Variants in DMRT1 observed in about 807,000 individuals in gnomAD.
DMRT1 encodes the protein doublesex- and mab-3-related transcription factor 1.
Under a neutral mutation model 32.3 loss-of-function variants are expected in DMRT1, and 7 were observed. The observed-to-expected ratio is 0.22, with a 90% CI of 0.12 to 0.41. The LOEUF is 0.41. Among genes scored for constraint, DMRT1 ranks in the 10% least tolerant of loss-of-function variants. DMRT1 has a pLI of 1.00. For missense variants in DMRT1, 625 were observed against 500.5 expected, an observed-to-expected ratio of 1.25 and a Z score of -2.37; for synonymous variants, 278 against 206.1, an observed-to-expected ratio of 1.35 and a Z score of -2.99.
At chr9:955,092 G>A (rs567256874) in intron 4 of DMRT1, among the ~76,000 whole-genome samples, 4 of 152,352 alleles carry the variant, frequency 2.6e-5, no homozygotes, top group African/African-American at 9.6e-5. Flanking sequence ...CCGTGCTCAG[G>A]GTTGGATTAG....
At chr9:964,544 G>A (rs767672028) in intron 4 of DMRT1, among the ~76,000 whole-genome samples, 1 of 152,100 alleles carries the variant, frequency 6.6e-6, no homozygotes, top group Non-Finnish European at 1.5e-5. Context: ...GTGGTGTGCA[G>A]AAATAATTTC....
chr9:890,918 C>CG (rs1425812632), intron 2 of DMRT1, among the ~76,000 whole-genome samples: 8 of 151,432 alleles, frequency 5.3e-5, no homozygotes, highest in African/African-American at 1.7e-4. Context: ...TTAGTGGAGA[C>CG]GGGGTTTCAC....
intron 4 of DMRT1, among the ~76,000 whole-genome samples, chr9:950,726 T>C (rs575831295): frequency 1.3e-5 from 2 of 152,316 alleles, no homozygotes; most frequent in South Asian, 4.1e-4. Flanking sequence ...TCCTGTTTCA[T>C]TTCCCCAGCA....
chr9:960,892 C>G (rs984251272), intron 4 of DMRT1, among the ~76,000 whole-genome samples: 7 of 152,060 alleles, frequency 4.6e-5, no homozygotes. Flanking sequence ...GGGAGCAGTG[C>G]TGAGAAGTGA....
chr9:872,400 G>A (rs1816312592), intron 2 of DMRT1, among the ~76,000 whole-genome samples: 1 of 152,220 alleles, frequency 6.6e-6, no homozygotes, highest in Non-Finnish European at 1.5e-5. Context: ...TATATTCACA[G>A]AGTTGGGTAA....
At position 870,956 on chromosome 9, in the gene DMRT1, C is replaced by G. The variant is rs182084787; in HGVS notation, c.539-22956C>G. 6.6e-4 allele frequency among the ~76,000 whole-genome samples: 101 copies of G among 151,938 alleles called. 1 individual carries two copies. The highest frequency in any genetic ancestry group is 6.1e-3 in the South Asian group (29 of 4,784). ...TTTAAACTCCTGGGCTCAGCTGATC[C>G]TCCTGACACCCAAAGTGCGGGGATT... On this transcript the variant is annotated intron_variant, in intron 2 of 4. Coordinates refer to ENST00000382276, the MANE Select transcript of DMRT1 (RefSeq NM_021951.3).
intron 2 of DMRT1, among the ~76,000 whole-genome samples, chr9:888,248 A>G (rs1204196762): frequency 6.6e-6 from 1 of 152,142 alleles, no homozygotes; most frequent in Non-Finnish European, 1.5e-5. Context: ...ACAGCTTGGG[A>G]TCTAAGCTCT....
At chr9:858,100 C>T (rs7863551) in intron 2 of DMRT1, among the ~76,000 whole-genome samples, 10,691 of 151,988 alleles carry the variant, frequency 0.07, 1,106 homozygotes, top group African/African-American at 0.22. Flanking sequence ...TGTGCATGTG[C>T]CTTTTAATCT....
chr9:844,520 T>G (rs1400157362), intron 1 of DMRT1, among the ~76,000 whole-genome samples: 1 of 152,090 alleles, frequency 6.6e-6, no homozygotes, highest in Non-Finnish European at 1.5e-5. Flanking sequence ...CTAAGCCTCT[T>G]GGTTAGTAAT....
chr9:848,088 T>C (rs1322038186), intron 2 of DMRT1, among the ~76,000 whole-genome samples: 1 of 152,242 alleles, frequency 6.6e-6, no homozygotes. Flanking sequence ...CAGAATATCT[T>C]TAAATGTCTT....
intron 2 of DMRT1, among the ~76,000 whole-genome samples, chr9:889,754 C>T (rs1025981594): frequency 5.3e-5 from 8 of 150,918 alleles, no homozygotes; most frequent in Admixed American, 1.3e-4. Flanking sequence ...TCTATTTATT[C>T]GTCTGCTACT....
intron 2 of DMRT1, among the ~76,000 whole-genome samples, chr9:852,757 C>T (rs1191759762): frequency 6.6e-6 from 1 of 152,214 alleles, no homozygotes; most frequent in African/African-American, 2.4e-5. Context: ...CCACCTCGGG[C>T]CCCCCTGGGC....
At chr9:937,991 A>C (rs1316508845) in intron 4 of DMRT1, among the ~76,000 whole-genome samples, 2 of 152,060 alleles carry the variant, frequency 1.3e-5, no homozygotes, top group African/African-American at 4.8e-5. Flanking sequence ...AGCTCTTAAG[A>C]TCTTTCATTA....
intron 3 of DMRT1, among the ~76,000 whole-genome samples, chr9:913,726 C>T (rs147059771): frequency 0.017 from 2,508 of 151,866 alleles, 70 homozygotes; most frequent in African/African-American, 0.057. Flanking sequence ...GAAAACGTCT[C>T]TACTAAAAAT....
At chr9:932,316 T>C (rs1818751570) in intron 4 of DMRT1, among the ~76,000 whole-genome samples, 2 of 152,320 alleles carry the variant, frequency 1.3e-5, no homozygotes, top group Admixed American at 6.5e-5. Context: ...TCCTGGCAGA[T>C]ACAGCAGAAT....
intron 2 of DMRT1, among the ~76,000 whole-genome samples, chr9:884,618 C>A (rs550587079): frequency 2.0e-5 from 3 of 152,274 alleles, no homozygotes; most frequent in African/African-American, 7.2e-5. Flanking sequence ...TGGTTGGATC[C>A]AGTCCTTCTG....
chr9:858,444 T>A (rs1305829221), intron 2 of DMRT1, among the ~76,000 whole-genome samples: 2 of 152,212 alleles, frequency 1.3e-5, no homozygotes, highest in African/African-American at 2.4e-5. Context: ...GGTTTGAGGA[T>A]CCTGTCCTGT....
intron 4 of DMRT1, among the ~76,000 whole-genome samples, chr9:953,933 A>G (rs1819512207): frequency 6.6e-6 from 1 of 152,138 alleles, no homozygotes; most frequent in African/African-American, 2.4e-5. Flanking sequence ...GAGTCATTAG[A>G]TCCATAATGA....
chr9:852,719 ACT>A (rs1275977710), intron 2 of DMRT1, among the ~76,000 whole-genome samples: 1 of 151,854 alleles, frequency 6.6e-6, no homozygotes. Context: ...TTCCATCCAC[ACT>A]CACATTCACC....
Sources: allele counts gnomAD v4.1 joint callset (sites outside exome capture counted in the v4.1 genomes callset), GRCh38; gene constraint gnomAD v4.1.1; transcripts MANE v1.5; gene names NCBI Gene and HGNC (gene_info 2026-07-23, HGNC 2026-07-21).